ARID1B: variants seen among roughly 807,000 people sequenced by gnomAD.
The protein encoded by ARID1B is AT-rich interactive domain-containing protein 1B.
Under a neutral mutation model 212.3 loss-of-function variants are expected in ARID1B, and 30 were observed. The observed-to-expected ratio is 0.14, with a 90% CI of 0.11 to 0.19. The LOEUF (loss-of-function observed/expected upper bound fraction) is 0.19, where lower values mean the gene tolerates loss of function less well. Among genes scored for constraint, ARID1B ranks in the 10% least tolerant of loss-of-function variants. The probability of loss-of-function intolerance (pLI) is 1.00; values close to 1 mark genes in which losing one functional copy is unlikely to be tolerated. For synonymous variants in ARID1B, 1,402 were observed against 1,301.7 expected, an observed-to-expected ratio of 1.08 and a Z score of -1.66; for missense variants, 2,891 against 3,204.0, an observed-to-expected ratio of 0.90 and a Z score of 2.36.
chr6:156,781,975 CTTTTTTTT>C (rs57443841), intron 1 of ARID1B, among the ~76,000 whole-genome samples: 12 of 39,222 alleles, frequency 3.1e-4, no homozygotes, highest in African/African-American at 5.8e-4. Flanking sequence ...TGGGAATAGG[CTTTTTTTT>C]TTTTTTTTTT....
At position 157,148,480 on chromosome 6, in the gene ARID1B, G is replaced by A. The variant is rs980951539; in HGVS notation, c.2762-144G>A. The stretch of plus-strand genomic sequence containing the variant: ...AGAGAGAGCATGTTTGAGACTGGCA[G>A]CTGCACCAGCAGCAACAGGAAGGGC... On this transcript the variant is annotated intron_variant, in intron 7 of 19. Transcript: ENST00000636930. This position sits in a 1 kb window ranked among gnomAD's most constrained non-coding sequence, Gnocchi z 5.6. 1.1e-6 allele frequency: 1 copy of A among 872,400 alleles called. No individual in the cohort carries two copies. Among genetic ancestry groups the A allele is most frequent in the East Asian group, 2.7e-5 (1 of 37,330 alleles). 54.0% of individuals were successfully genotyped at this position (872,400 alleles called of 1,614,324 possible). A position where few individuals can be genotyped will look rare whatever the true frequency, so the allele number is the denominator to read the frequency against.
At chr6:157,030,699 CA>C (rs1261860860) in intron 4 of ARID1B, among the ~76,000 whole-genome samples, 1 of 152,200 alleles carries the variant, frequency 6.6e-6, no homozygotes, top group African/African-American at 2.4e-5. Context: ...ATCATGTGAG[CA>C]TATCACTTGC....
chr6:157,104,899 G>T (rs1242128201), intron 5 of ARID1B, among the ~76,000 whole-genome samples: 1 of 152,080 alleles, frequency 6.6e-6, no homozygotes, highest in Non-Finnish European at 1.5e-5. Flanking sequence ...AAACATGCAA[G>T]AAAACTTAGA....
intron 4 of ARID1B, among the ~76,000 whole-genome samples, chr6:156,957,289 A>G (rs1395844311): frequency 6.6e-6 from 1 of 152,190 alleles, no homozygotes; most frequent in African/African-American, 2.4e-5. Context: ...TCAGTTATCT[A>G]TGTTTATTGG....
chr6:156,819,179 A>G (rs1782185788), intron 1 of ARID1B, among the ~76,000 whole-genome samples: 1 of 152,248 alleles, frequency 6.6e-6, no homozygotes, highest in Non-Finnish European at 1.5e-5. Flanking sequence ...TGGGAAATAT[A>G]CCATATTATT....
chr6:157,105,889 C>T (rs532053681), intron 5 of ARID1B, among the ~76,000 whole-genome samples: 7 of 152,230 alleles, frequency 4.6e-5, no homozygotes, highest in Admixed American at 2.6e-4. Context: ...GGTGAACCAT[C>T]GTACCTGGCC....
intron 2 of ARID1B, among the ~76,000 whole-genome samples, chr6:156,852,706 A>G (rs2128109735): frequency 6.6e-6 from 1 of 152,318 alleles, no homozygotes; most frequent in Non-Finnish European, 1.5e-5. Context: ...GGCTCTATTA[A>G]TAGCTAATGA....
At chr6:157,086,161 C>T (rs1287082029) in intron 5 of ARID1B, among the ~76,000 whole-genome samples, 1 of 152,176 alleles carries the variant, frequency 6.6e-6, no homozygotes, top group Non-Finnish European at 1.5e-5. Context: ...TTGGGCAGGT[C>T]AGATAATATG....
intron 4 of ARID1B, among the ~76,000 whole-genome samples, chr6:156,999,930 A>G (rs1023113843): frequency 1.3e-5 from 2 of 152,238 alleles, no homozygotes; most frequent in African/African-American, 2.4e-5. Flanking sequence ...CCAATAAGTT[A>G]AAAAGATAAT....
At position 156,955,077 on chromosome 6, in the gene ARID1B, G is replaced by A. The variant is rs979877637; in HGVS notation, c.2247+19501G>A. 2.0e-5 allele frequency among the ~76,000 whole-genome samples: 3 copies of A among 152,322 alleles called. No homozygotes were observed. The highest frequency in any genetic ancestry group is 4.8e-5 in the African/African-American group (2 of 41,568). ...TGATGGGAGCTGCTCTGAAGGATAC[G>A]TCTCATCCATCCTGCACCTGAGCTC... is the stretch of plus-strand genomic sequence containing the variant. On this transcript the variant is annotated intron_variant, in intron 4 of 19. Transcript: ENST00000636930. This position sits in a 1 kb window ranked among gnomAD's most constrained non-coding sequence, Gnocchi z 4.2.
intron 2 of ARID1B, among the ~76,000 whole-genome samples, chr6:156,855,508 G>A (rs1784853488): frequency 6.6e-6 from 1 of 152,082 alleles, no homozygotes; most frequent in South Asian, 2.1e-4. Flanking sequence ...TTTATTTTCA[G>A]TTTCTTTTCT....
At position 156,829,272 on chromosome 6, in the gene ARID1B, G is replaced by A. The variant is rs2128046060; in HGVS notation, c.1837G>A (p.Gly613Ser). 6.2e-7 allele frequency: 1 copy of A among 1,614,226 alleles called. No individual in the cohort carries two copies. The highest frequency in any genetic ancestry group is 8.5e-7 in the Non-Finnish European group (1 of 1,180,032). Residue 613 changes from glycine to serine, a missense_variant, in exon 2 of 20, where the codon GGC becomes AGC. This residue lies in a region of ARID1B where 1,643 missense variants were observed against 1,544.0 expected (regional missense o/e 1.06). Transcript: ENST00000636930. ...GGTGATGAAGAGACCTCAGTTGTAT[G>A]GCATGGGCAGTAACCCTCATTCTCA... ...PMVMKRPQLY[G>S]MGSNPHSQPQ...
chr6:156,800,858 G>A (rs1211648435), intron 1 of ARID1B, among the ~76,000 whole-genome samples: 1 of 152,090 alleles, frequency 6.6e-6, no homozygotes, highest in African/African-American at 2.4e-5. Context: ...GTGAGCCACT[G>A]CACTCTGGCC....
intron 18 of ARID1B, among the ~76,000 whole-genome samples, chr6:157,202,670 A>G (rs1328089720): frequency 1.3e-5 from 2 of 151,590 alleles, no homozygotes; most frequent in Non-Finnish European, 1.5e-5. Context: ...ACACACACAT[A>G]TTCCTTTATA....
chr6:157,029,273 A>G (rs1443744584), intron 4 of ARID1B, among the ~76,000 whole-genome samples: 1 of 152,244 alleles, frequency 6.6e-6, no homozygotes, highest in Non-Finnish European at 1.5e-5. Context: ...TTCTACTTAT[A>G]TAGTTATATT....
chr6:156,942,639 A>C (rs1403008516), intron 4 of ARID1B: 3 of 150,438 alleles, frequency 2.0e-5, no homozygotes, highest in Non-Finnish European at 3.0e-5. Flanking sequence ...AAAACACATG[A>C]CTCTAATGTT....
chr6:156,852,821 C>G (rs896276834), intron 2 of ARID1B, among the ~76,000 whole-genome samples: 1 of 152,150 alleles, frequency 6.6e-6, no homozygotes, highest in African/African-American at 2.4e-5. Flanking sequence ...AAGTAGGAGC[C>G]TCTCGTTTCA....
intron 2 of ARID1B, among the ~76,000 whole-genome samples, chr6:156,889,068 C>T (rs537621283): frequency 3.3e-5 from 5 of 152,260 alleles, no homozygotes; most frequent in African/African-American, 9.6e-5. Context: ...TTTTTCACTG[C>T]TGTGACAGTT....
intron 5 of ARID1B, among the ~76,000 whole-genome samples, chr6:157,090,493 C>G (rs1013080868): frequency 1.3e-4 from 20 of 152,158 alleles, no homozygotes; most frequent in African/African-American, 4.8e-4. Flanking sequence ...AGATTAGGGT[C>G]AAAAACACAA....
Sources: gnomAD v4.1 joint callset for allele counts (sites outside exome capture counted in the v4.1 genomes callset) on GRCh38, gnomAD v4.1.1 for gene constraint, gnomAD v4.1.1 regional missense constraint, Gnocchi (gnomAD v3.1) non-coding constraint, MANE v1.5 for transcripts, NCBI Gene and HGNC (gene_info 2026-07-23, HGNC 2026-07-21) for gene names.